RETREG1: variants seen among roughly 807,000 people sequenced by gnomAD.
RETREG1 encodes reticulophagy regulator 1.
RETREG1 carries 44 observed loss-of-function variants against 54.8 expected under a neutral mutation model. The ratio of observed to expected loss-of-function variants is 0.80; its 90% CI spans 0.63 to 1.03. RETREG1 has a LOEUF of 1.03. Ranked by LOEUF, RETREG1 falls within the 50% of genes least tolerant of loss-of-function variation. The pLI is 0.00. For missense variants in RETREG1, 554 were observed against 605.1 expected (o/e 0.92, Z 0.89); for synonymous variants, 217 against 238.5 (o/e 0.91, Z 0.83).
In RETREG1 at chr5:16,594,028, T is replaced by C. The variant is rs1408155033; in HGVS notation, c.321-21926A>G. On this transcript the variant is annotated intron_variant, in intron 1 of 8. Coordinates refer to ENST00000306320, the MANE Select transcript of RETREG1 (RefSeq NM_001034850.3). The surrounding 1 kb of genome is among the most constrained non-coding windows in gnomAD (Gnocchi z 4.4). ...TTGGTTCTTTGGCCAACACCCACTG[T>C]TTTTCAATGTCACAGGCCCACAGCA... Among the ~76,000 whole-genome samples the C allele has an allele frequency of 1.3e-5, 2 of 152,220 alleles. No individual in the cohort carries two copies.
intron 3 of RETREG1, among the ~76,000 whole-genome samples, chr5:16,555,401 C>T (rs915733697): frequency 1.3e-5 from 2 of 152,210 alleles, no homozygotes; most frequent in African/African-American, 4.8e-5. Flanking sequence ...ATCTGCTTGT[C>T]TCAGCCTCCC....
At chr5:16,503,199 C>T (rs1422494076) in intron 3 of RETREG1, among the ~76,000 whole-genome samples, 2 of 152,170 alleles carry the variant, frequency 1.3e-5, no homozygotes, top group Non-Finnish European at 2.9e-5. Flanking sequence ...AGATATCTCA[C>T]GCAAAACAAA....
intron 3 of RETREG1, among the ~76,000 whole-genome samples, chr5:16,563,641 ATAT>A (rs554909368): frequency 6.2e-4 from 94 of 152,268 alleles, no homozygotes; most frequent in African/African-American, 2.2e-3. Flanking sequence ...ATCCTTTATC[ATAT>A]TATTAATTCC....
Position 16,616,931 on chromosome 5 carries a change from C to A in RETREG1, c.41G>T (p.Cys14Phe), listed in dbSNP as rs1377040439. 1 of 1,474,952 alleles carries A rather than the reference C, an allele frequency of 6.8e-7. No homozygotes were observed. The highest frequency in any genetic ancestry group is 8.9e-7 in the Non-Finnish European group (1 of 1,119,820). The allele number at this position is 1,474,952 out of a possible 1,614,324, so 91.4% of individuals were successfully genotyped here. ...PAPPEHAEEGCPAPAAEEQAP... is the reference protein window; with the variant it reads ...PAPPEHAEEGFPAPAAEEQAP... ...CTGCTCCTCGGCGGCAGGAGCCGGG[C>A]ATCCCTCCTCGGCGTGCTCCGGAGG... Residue 14 changes from cysteine (C) to phenylalanine (F), a missense_variant, in exon 1 of 9, where the codon TGC becomes TTC. Cys to Phe is a radical substitution (Grantham distance 205). Coordinates refer to ENST00000306320, the MANE Select transcript of RETREG1 (RefSeq NM_001034850.3).
intron 1 of RETREG1, among the ~76,000 whole-genome samples, chr5:16,586,627 T>G (rs1030595166): frequency 3.9e-5 from 6 of 152,180 alleles, no homozygotes; most frequent in African/African-American, 1.2e-4. Flanking sequence ...CTCAGGGCCT[T>G]TCCCATTCAA....
At chr5:16,480,795 C>T (rs959774290) in intron 5 of RETREG1, among the ~76,000 whole-genome samples, 1 of 152,038 alleles carries the variant, frequency 6.6e-6, no homozygotes, top group African/African-American at 2.4e-5. Context: ...AAATTATTCA[C>T]TTATAATTCT....
intron 3 of RETREG1, among the ~76,000 whole-genome samples, chr5:16,533,289 C>T (rs1390600456): frequency 5.9e-5 from 9 of 152,092 alleles, no homozygotes; most frequent in African/African-American, 1.2e-4. Context: ...GTGATCCACC[C>T]GCCTCGGCCT....
At chr5:16,547,513 G>A (rs1741421068) in intron 3 of RETREG1, among the ~76,000 whole-genome samples, 2 of 152,146 alleles carry the variant, frequency 1.3e-5, no homozygotes, top group African/African-American at 4.8e-5. Flanking sequence ...ATGAGTATTA[G>A]CAACAATGGG....
chr5:16,478,022 A>C lies in RETREG1; in HGVS notation c.873+12T>G. ...CCACACAGGAACAAATTGAAAACTAAACAAAAAATACCTTAGGACAAAGAG... is the reference window on the plus strand; with the variant it reads ...CCACACAGGAACAAATTGAAAACTACACAAAAAATACCTTAGGACAAAGAG... On this transcript the variant is annotated intron_variant, in intron 7 of 8. Coordinates refer to ENST00000306320, the MANE Select transcript of RETREG1 (RefSeq NM_001034850.3). 10 of 1,600,416 alleles carry C rather than the reference A, an allele frequency of 6.2e-6. No homozygotes were observed. Among genetic ancestry groups the C allele is most frequent in the Non-Finnish European group, 8.5e-6 (10 of 1,171,980 alleles).
At chr5:16,489,017 G>A (rs1415707041) in intron 3 of RETREG1, among the ~76,000 whole-genome samples, 5 of 145,544 alleles carry the variant, frequency 3.4e-5, no homozygotes, top group African/African-American at 1.3e-4. Context: ...CAGGAGGCAG[G>A]GGCTGCAATG....
chr5:16,598,381 G>A (rs1353674135), intron 1 of RETREG1, among the ~76,000 whole-genome samples: 4 of 152,176 alleles, frequency 2.6e-5, no homozygotes, highest in Non-Finnish European at 5.9e-5. Flanking sequence ...AGAAGACACC[G>A]TGTCCCCAGT....
chr5:16,493,039 G>C (rs1265551845), intron 3 of RETREG1, among the ~76,000 whole-genome samples: 3 of 152,122 alleles, frequency 2.0e-5, no homozygotes, highest in Non-Finnish European at 4.4e-5. Context: ...CTTTCTGCCC[G>C]GAGAGCCCCA....
intron 3 of RETREG1, among the ~76,000 whole-genome samples, chr5:16,551,365 C>T (rs890823): frequency 0.34 from 51,524 of 152,026 alleles, 10,211 homozygotes; most frequent in Non-Finnish European, 0.44. Context: ...CAGTGACTTT[C>T]CCTGGTGCTC....
intron 3 of RETREG1, among the ~76,000 whole-genome samples, chr5:16,495,236 C>A (rs1579604773): frequency 6.6e-6 from 1 of 152,050 alleles, no homozygotes; most frequent in Admixed American, 6.5e-5. Context: ...GGAAAACAGA[C>A]CATAAAAGTT....
At chr5:16,480,882 G>T in intron 5 of RETREG1, 127 bp downstream of exon 5, 2 of 703,416 alleles carry the variant, frequency 2.8e-6, no homozygotes, top group Non-Finnish European at 5.2e-6. Context: ...TACAGCAGGA[G>T]ATTAAAGAAT....
At chr5:16,598,796 T>A (rs1342448855) in intron 1 of RETREG1, among the ~76,000 whole-genome samples, 1 of 151,990 alleles carries the variant, frequency 6.6e-6, no homozygotes, top group East Asian at 1.9e-4. Flanking sequence ...ACAGTTAAAG[T>A]TCAATGTCAG....
At chr5:16,485,690 A>G (rs1463254935) in intron 3 of RETREG1, among the ~76,000 whole-genome samples, 4 of 152,220 alleles carry the variant, frequency 2.6e-5, no homozygotes, top group African/African-American at 9.6e-5. Flanking sequence ...CATATAACTT[A>G]AAGTGTTTTA....
At chr5:16,483,126 A>T (rs1738870764) in intron 4 of RETREG1, 2 of 540,144 alleles carry the variant, frequency 3.7e-6, no homozygotes, top group East Asian at 6.4e-5. Flanking sequence ...AATATATATA[A>T]AATGTAAAAC....
chr5:16,595,811 C>A, intron 1 of RETREG1, among the ~76,000 whole-genome samples: 1 of 152,142 alleles, frequency 6.6e-6, no homozygotes, highest in East Asian at 1.9e-4. Flanking sequence ...AATCTCACAG[C>A]TAAGAGCTTT....
Sources: allele counts gnomAD v4.1 joint callset (sites outside exome capture counted in the v4.1 genomes callset), GRCh38; gene constraint gnomAD v4.1.1; non-coding constraint Gnocchi (gnomAD v3.1); transcripts MANE v1.5; gene names NCBI Gene and HGNC (gene_info 2026-07-23, HGNC 2026-07-21).